Variants in PINX1 observed in about 807,000 individuals in gnomAD.
PINX1 encodes the protein PIN2/TERF1-interacting telomerase inhibitor 1.
In PINX1, 34 loss-of-function variants were observed where a neutral mutation model predicts 25.4. That is an observed-to-expected ratio of 1.34 (90% CI 1.02 to 1.78). The LOEUF is 1.78. Among genes scored for constraint, PINX1 ranks in the 40% most tolerant of loss-of-function variants. The pLI is 0.00. For synonymous variants in PINX1, 197 were observed against 147.7 expected, an observed-to-expected ratio of 1.33 and a Z score of -2.42; for missense variants, 592 against 404.9, an observed-to-expected ratio of 1.46 and a Z score of -3.97.
chr8:10,769,758 A>G (rs936967146), intron 6 of PINX1, among the ~76,000 whole-genome samples: 30 of 152,212 alleles, frequency 2.0e-4, no homozygotes, highest in African/African-American at 6.8e-4. Context: ...GGAGAGAGAC[A>G]GCCCTAAGGC....
intron 6 of PINX1, among the ~76,000 whole-genome samples, chr8:10,788,242 A>G (rs1422867815): frequency 6.6e-6 from 1 of 152,198 alleles, no homozygotes; most frequent in Non-Finnish European, 1.5e-5. Flanking sequence ...TACACATGTA[A>G]AGTTCTCCAT....
intron 4 of PINX1, among the ~76,000 whole-genome samples, chr8:10,829,878 T>A (rs1355617003): frequency 6.6e-6 from 1 of 152,134 alleles, no homozygotes; most frequent in Non-Finnish European, 1.5e-5. Context: ...GAGACAGGGT[T>A]TCTCCATGTT....
At chr8:10,781,099 G>A (rs541984647) in intron 6 of PINX1, among the ~76,000 whole-genome samples, 7 of 152,244 alleles carry the variant, frequency 4.6e-5, no homozygotes, top group African/African-American at 1.7e-4. Flanking sequence ...GACACAATGG[G>A]GAAAGGATAG....
intron 5 of PINX1, 143 bp downstream of exon 5, chr8:10,826,009 A>C (rs1182734822): frequency 5.5e-6 from 3 of 541,780 alleles, no homozygotes; most frequent in Non-Finnish European, 6.5e-6. Context: ...GTCAATGCGA[A>C]GACTCCAGCG....
intron 6 of PINX1, among the ~76,000 whole-genome samples, chr8:10,774,610 TCA>T (rs1801331486): frequency 2.0e-5 from 3 of 152,206 alleles, no homozygotes; most frequent in South Asian, 2.1e-4. Context: ...AATAAAATAT[TCA>T]TTTTGAAACT....
chr8:10,834,558 T>A, intron 2 of PINX1, 108 bp downstream of exon 2: 1 of 1,439,626 alleles, frequency 6.9e-7, no homozygotes, highest in South Asian at 1.5e-5. Flanking sequence ...CAAAATCACT[T>A]ACTGATCCAA....
At chr8:10,766,874 C>T (rs576359914) in intron 6 of PINX1, among the ~76,000 whole-genome samples, 4 of 152,108 alleles carry the variant, frequency 2.6e-5, no homozygotes, top group South Asian at 2.1e-4. Context: ...ATGCTGGAAT[C>T]GCCATTTGGG....
chr8:10,817,977 C>T (rs1797751991), intron 6 of PINX1, among the ~76,000 whole-genome samples: 1 of 152,096 alleles, frequency 6.6e-6, no homozygotes, highest in African/African-American at 2.4e-5. Flanking sequence ...ATATAGATAC[C>T]TGGACCCTGA....
chr8:10,839,176 G>A (rs137894680), intron 1 of PINX1, among the ~76,000 whole-genome samples: 9 of 152,314 alleles, frequency 5.9e-5, no homozygotes, highest in Non-Finnish European at 1.3e-4. Context: ...AGGCAGGACG[G>A]GGCGCTGTGG....
chr8:10,806,381 T>C (rs1054920089), intron 6 of PINX1, among the ~76,000 whole-genome samples: 1 of 151,994 alleles, frequency 6.6e-6, no homozygotes, highest in Non-Finnish European at 1.5e-5. Context: ...AGGAAGTAAA[T>C]CTGAGGAGCA....
intron 6 of PINX1, among the ~76,000 whole-genome samples, chr8:10,786,199 G>C (rs1229161397): frequency 1.3e-5 from 2 of 152,190 alleles, no homozygotes; most frequent in East Asian, 1.9e-4. Context: ...TATTTAAAGA[G>C]ACGTTACATT....
At chr8:10,818,570 C>T (rs772439036) in intron 6 of PINX1, among the ~76,000 whole-genome samples, 1 of 152,006 alleles carries the variant, frequency 6.6e-6, no homozygotes, top group Non-Finnish European at 1.5e-5. Context: ...AGAGGGTGTC[C>T]GGGAGGGCAA....
intron 6 of PINX1, among the ~76,000 whole-genome samples, chr8:10,814,619 G>A (rs567060141): frequency 6.6e-5 from 10 of 152,356 alleles, no homozygotes; most frequent in Non-Finnish European, 1.2e-4. Context: ...TGTGCATGGC[G>A]TAGAATGTAG....
intron 6 of PINX1, among the ~76,000 whole-genome samples, chr8:10,779,125 T>C (rs2129073319): frequency 6.6e-6 from 1 of 152,328 alleles, no homozygotes; most frequent in Non-Finnish European, 1.5e-5. Context: ...TGTATTTTCT[T>C]TGTTTACTTT....
At chr8:10,826,548 G>A (rs933694019) in intron 4 of PINX1, among the ~76,000 whole-genome samples, 1 of 152,204 alleles carries the variant, frequency 6.6e-6, no homozygotes, top group Non-Finnish European at 1.5e-5. Flanking sequence ...AGACACAAAT[G>A]TTCACATTAG....
chr8:10,810,567 G>T (rs1177203651), intron 6 of PINX1, among the ~76,000 whole-genome samples: 1 of 152,124 alleles, frequency 6.6e-6, no homozygotes, highest in African/African-American at 2.4e-5. Flanking sequence ...CCCACTCCAT[G>T]CCAGGCATAA....
intron 6 of PINX1, among the ~76,000 whole-genome samples, chr8:10,775,416 T>TGG (rs1801359774): frequency 1.0e-4 from 15 of 145,844 alleles, no homozygotes; most frequent in Non-Finnish European, 1.4e-4. Flanking sequence ...TGTGGTTTTT[T>TGG]TTTTTTTTTT....
At chr8:10,834,539 AT>A in intron 2 of PINX1, 126 bp downstream of exon 2, 2 of 1,359,446 alleles carry the variant, frequency 1.5e-6, no homozygotes, top group Non-Finnish European at 1.9e-6. Context: ...ACAATTTTTG[AT>A]TTGGGATCAA....
chr8:10,829,285 CAAAA>C (rs57684473), intron 4 of PINX1, among the ~76,000 whole-genome samples: 25,008 of 90,012 alleles, frequency 0.28, 2,182 homozygotes, highest in Middle Eastern at 0.38. Context: ...GACTCCATCT[CAAAA>C]AAAAAAAAAA....
Sources: allele counts gnomAD v4.1 joint callset (sites outside exome capture counted in the v4.1 genomes callset), GRCh38; gene constraint gnomAD v4.1.1; transcripts MANE v1.5; gene names NCBI Gene and HGNC (gene_info 2026-07-23, HGNC 2026-07-21).